The following SPRYD3 variants were observed in gnomAD, a reference collection of about 807,000 sequenced individuals.
SPRYD3 encodes the protein SPRY domain-containing protein 3.
In SPRYD3, 17 loss-of-function variants were observed where a neutral mutation model predicts 50.1. The ratio of observed to expected loss-of-function variants is 0.34; its 90% confidence interval spans 0.23 to 0.51. The LOEUF (loss-of-function observed/expected upper bound fraction) is 0.51, where lower values mean the gene tolerates loss of function less well. Among genes scored for constraint, SPRYD3 ranks in the 20% least tolerant of loss-of-function variants. SPRYD3 has a pLI of 0.97. For synonymous variants in SPRYD3, 198 were observed against 215.5 expected, an observed-to-expected ratio of 0.92 and a Z score of 0.71; for missense variants, 401 against 591.2, an observed-to-expected ratio of 0.68 and a Z score of 3.34.
At chr12:53,077,053 A>C in intron 2 of SPRYD3, 62 bp downstream of exon 2, 4 of 1,535,202 alleles carry the variant, frequency 2.6e-6, no homozygotes, top group African/African-American at 1.4e-5. Context: ...AAAAAAAAAA[A>C]CCCTTTCCTC....
intron 2 of SPRYD3, 122 bp from the exon 3 acceptor site, chr12:53,075,933 C>T (rs2121208729): frequency 2.7e-6 from 2 of 751,852 alleles, no homozygotes; most frequent in Admixed American, 4.1e-5. Context: ...TCAGGCTGCA[C>T]TTCAGTACAT....
intron 1 of SPRYD3, chr12:53,078,064 T>C (rs1944602152): frequency 4.4e-6 from 2 of 451,672 alleles, no homozygotes; most frequent in Non-Finnish European, 8.9e-6. Flanking sequence ...CATGCACCTG[T>C]AGTCCCAGCT....
intron 2 of SPRYD3, 125 bp downstream of exon 2, chr12:53,076,990 A>G: frequency 1.1e-6 from 1 of 890,452 alleles, no homozygotes; most frequent in Non-Finnish European, 1.7e-6. Flanking sequence ...AGTCAAGAGC[A>G]TCGCCCTTCC....
chr12:53,077,468 T>C (rs866824144), intron 1 of SPRYD3, among the ~76,000 whole-genome samples: 1 of 152,222 alleles, frequency 6.6e-6, no homozygotes, highest in Non-Finnish European at 1.5e-5. Context: ...GATGGAGCTG[T>C]GAACAAGATG....
chr12:53,070,253 A>G (rs1944539913), intron 6 of SPRYD3, among the ~76,000 whole-genome samples: 1 of 152,158 alleles, frequency 6.6e-6, no homozygotes. Context: ...AGTGAAAGCC[A>G]TCATAAACCT....
intron 6 of SPRYD3, among the ~76,000 whole-genome samples, chr12:53,070,044 G>A (rs901689237): frequency 3.9e-5 from 6 of 152,196 alleles, no homozygotes; most frequent in African/African-American, 1.4e-4. Flanking sequence ...TTCTGTCTCT[G>A]GATAGGGTGG....
Position 53,079,301 on chromosome 12 carries a change from C to G in SPRYD3, c.23+10G>C. The G allele has an allele frequency of 6.2e-7, 1 of 1,606,808 alleles. No individual in the cohort carries two copies. Among genetic ancestry groups the G allele is most frequent in the Non-Finnish European group, 8.5e-7 (1 of 1,177,034 alleles). ...AGGCCTCCGGGACCCCGCCCCCGAT[C>G]CCCGCCTACCGGGGCCGCCGCGTCC... On this transcript the variant is annotated intron_variant, in intron 1 of 10. Coordinates refer to ENST00000301463, the MANE Select transcript of SPRYD3 (RefSeq NM_032840.3).
At chr12:53,066,841 G>T in intron 8 of SPRYD3, 149 bp from the exon 9 acceptor site, 1 of 1,031,076 alleles carries the variant, frequency 9.7e-7, no homozygotes, top group South Asian at 1.7e-5. Context: ...GGCCGGGCGC[G>T]GTGGCTCACG....
In SPRYD3 at chr12:53,067,768, C is replaced by T. The variant is rs377628211; in HGVS notation, c.844-63G>A. 7.7e-4 allele frequency: 1,132 copies of T among 1,466,988 alleles called. 2 individuals carry two copies. Among genetic ancestry groups the T allele is most frequent in the Non-Finnish European group, 4.5e-4 (472 of 1,047,578 alleles). The allele number at this position is 1,466,988 out of a possible 1,614,324, so 90.9% of individuals were successfully genotyped here. A position where few individuals can be genotyped will look rare whatever the true frequency, so the allele number is the denominator to read the frequency against. On this transcript the variant is annotated intron_variant, in intron 7 of 10. Coordinates refer to ENST00000301463, the MANE Select transcript of SPRYD3 (RefSeq NM_032840.3). ...GCATAAACAAGACAGGAGAGAGTGG[C>T]GAGTAGCATCTGAACCTCTGGGACA...
intron 6 of SPRYD3, 30 bp downstream of exon 6, chr12:53,073,256 G>GCCCCCGGGGGGGGGGCCCCCCCCCC: frequency 2.4e-6 from 1 of 424,134 alleles, no homozygotes; most frequent in Non-Finnish European, 4.4e-6. Context: ...CTCCGACCCA[G>GCCCCCGGGGGGGGGGCCCCCCCCCC]CCCCTCCCAC....
In SPRYD3 at chr12:53,074,515, C is replaced by T. The variant is rs781477270; in HGVS notation, c.507+134G>A. ...CAAGAGACTTCAGGAGAATCTGAGG[C>T]TGGACTGGAGGAGATGGGAACTCAG... On this transcript the variant is annotated intron_variant, in intron 5 of 10. Transcript: ENST00000301463. This position sits in a 1 kb window ranked among gnomAD's most constrained non-coding sequence, Gnocchi z 4.6. 211 of 1,064,620 alleles carry T rather than the reference C, an allele frequency of 2.0e-4. No homozygotes were observed. The highest frequency in any genetic ancestry group is 2.8e-4 in the Non-Finnish European group (199 of 709,262). 65.9% of individuals were successfully genotyped at this position (1,064,620 alleles called of 1,614,324 possible).
chr12:53,078,201 C>T (rs771389140), intron 1 of SPRYD3: 63 of 402,424 alleles, frequency 1.6e-4, no homozygotes, highest in Non-Finnish European at 3.1e-4. Flanking sequence ...AAAAAAAATG[C>T]CATGATCCTG....
chr12:53,068,423 G>A (rs1017757859), intron 6 of SPRYD3, 119 bp from the exon 7 acceptor site: 7 of 1,219,166 alleles, frequency 5.7e-6, no homozygotes, highest in Non-Finnish European at 8.1e-6. Context: ...TGGCTGAAAG[G>A]GAAAGAATCC....
At chr12:53,068,812 A>C (rs11170393) in intron 6 of SPRYD3, among the ~76,000 whole-genome samples, 1 of 151,994 alleles carries the variant, frequency 6.6e-6, no homozygotes, top group African/African-American at 2.4e-5. Flanking sequence ...TCAGAAGCCA[A>C]TTCTGCCTGG....
At chr12:53,067,237 AG>A (rs1385291992) in intron 8 of SPRYD3, among the ~76,000 whole-genome samples, 2 of 151,616 alleles carry the variant, frequency 1.3e-5, no homozygotes, top group East Asian at 1.9e-4. Context: ...GAGTCAGAGG[AG>A]GGGGCCCTAG....
At position 53,065,940 on chromosome 12, in the gene SPRYD3, G is replaced by T. The variant is rs1357527915; in HGVS notation, c.1221C>A (p.Ile407=). 6.2e-7 allele frequency: 1 copy of T among 1,613,580 alleles called. No homozygotes were observed. The highest frequency in any genetic ancestry group is 8.5e-7 in the Non-Finnish European group (1 of 1,179,666). The part of the protein sequence containing the change: ...VVVFFTRNGK[I]IGKKDAVVPS... ...GAACAACAGCATCCTTCTTCCCAAT[G>T]ATCTTGCCATTCCGAGTGAAGAAAA... is the stretch of plus-strand genomic sequence containing the variant. The change falls in exon 11 of 11, where the codon ATC becomes ATA. Residue 407 remains isoleucine (I), a synonymous_variant. Transcript: ENST00000301463.
intron 3 of SPRYD3, 57 bp downstream of exon 3, chr12:53,075,679 T>C: frequency 7.2e-7 from 1 of 1,387,384 alleles, no homozygotes; most frequent in Non-Finnish European, 1.0e-6. Flanking sequence ...TTCTTGGGGC[T>C]TAATGATCTC....
At chr12:53,073,582 C>A in intron 5 of SPRYD3, 111 bp from the exon 6 acceptor site, 8 of 813,690 alleles carry the variant, frequency 9.8e-6, no homozygotes, top group Middle Eastern at 3.6e-4. Context: ...TGGTGGCTCA[C>A]GCCTGTAATC....
chr12:53,066,517 G>A, intron 9 of SPRYD3, 31 bp from the exon 10 acceptor site: 1 of 1,614,022 alleles, frequency 6.2e-7, no homozygotes, highest in Non-Finnish European at 8.5e-7. Context: ...AGCTCCTGTG[G>A]TGCCTTTCCA....
Sources: gnomAD v4.1 joint callset for allele counts (sites outside exome capture counted in the v4.1 genomes callset) on GRCh38, gnomAD v4.1.1 for gene constraint, Gnocchi (gnomAD v3.1) non-coding constraint, MANE v1.5 for transcripts, NCBI Gene and HGNC (gene_info 2026-07-23, HGNC 2026-07-21) for gene names.